The following CADPS2 variants were observed in gnomAD, a reference collection of about 807,000 sequenced individuals.
The protein encoded by CADPS2 is calcium-dependent secretion activator 2.
CADPS2 carries 93 observed loss-of-function variants against 172.5 expected under a neutral mutation model. The ratio of observed to expected loss-of-function variants is 0.54; its 90% CI spans 0.46 to 0.64. The LOEUF (loss-of-function observed/expected upper bound fraction) is 0.64, where lower values mean the gene tolerates loss of function less well. Among genes scored for constraint, CADPS2 ranks in the 30% least tolerant of loss-of-function variants. The probability of loss-of-function intolerance (pLI) is 0.00; values close to 1 mark genes in which losing one functional copy is unlikely to be tolerated. For synonymous variants in CADPS2, 546 were observed against 555.2 expected (o/e 0.98, Z 0.23); for missense variants, 1,420 against 1,565.9 (o/e 0.91, Z 1.57).
chr7:122,674,262 C>G (rs2082176870), intron 2 of CADPS2, among the ~76,000 whole-genome samples: 1 of 152,226 alleles, frequency 6.6e-6, no homozygotes. Context: ...TCAGCCAGCC[C>G]AGAGAGTGGC....
At chr7:122,590,439 G>A (rs1047885131) in intron 6 of CADPS2, among the ~76,000 whole-genome samples, 4 of 151,856 alleles carry the variant, frequency 2.6e-5, no homozygotes, top group African/African-American at 4.8e-5. Flanking sequence ...TCAAGTGTCA[G>A]AACATGGATT....
intron 25 of CADPS2, among the ~76,000 whole-genome samples, chr7:122,367,095 T>A (rs1210664853): frequency 6.6e-6 from 1 of 152,194 alleles, no homozygotes; most frequent in African/African-American, 2.4e-5. Flanking sequence ...ATACTTGGAT[T>A]TTAACAGATG....
At chr7:122,594,062 T>C (rs2071344313) in intron 6 of CADPS2, among the ~76,000 whole-genome samples, 1 of 152,094 alleles carries the variant, frequency 6.6e-6, no homozygotes, top group African/African-American at 2.4e-5. Flanking sequence ...CATTCTAGGC[T>C]TTTGGGAGGA....
intron 3 of CADPS2, among the ~76,000 whole-genome samples, chr7:122,657,055 T>C (rs1442431484): frequency 6.6e-6 from 1 of 152,234 alleles, no homozygotes; most frequent in Non-Finnish European, 1.5e-5. Context: ...GCACCATTTA[T>C]TAAATAGGGA....
At chr7:122,588,820 T>C (rs867116918) in intron 6 of CADPS2, among the ~76,000 whole-genome samples, 8 of 151,918 alleles carry the variant, frequency 5.3e-5, no homozygotes, top group African/African-American at 1.9e-4. Flanking sequence ...TCATATTTGG[T>C]GAGAAGGTAG....
chr7:122,334,585 T>C (rs112727618), intron 28 of CADPS2, among the ~76,000 whole-genome samples: 2 of 152,228 alleles, frequency 1.3e-5, no homozygotes, highest in African/African-American at 4.8e-5. Flanking sequence ...AGAGCAAGAG[T>C]GTGCTCTTAT....
At chr7:122,342,798 T>C (rs577163556) in intron 28 of CADPS2, among the ~76,000 whole-genome samples, 2 of 152,150 alleles carry the variant, frequency 1.3e-5, no homozygotes, top group Non-Finnish European at 2.9e-5. Flanking sequence ...TACTTACTTA[T>C]ATAGGAAATA....
In CADPS2 at chr7:122,556,085, TATAAAGGAC is replaced by T. The variant is rs563518642; in HGVS notation, c.1336-1405_1336-1397del. ...TCCAGCATATCTATATACTCAAGTA[TATAAAGGAC>T]ATCTAAGAACAAACTAAATGACATT... On this transcript the variant is annotated intron_variant, in intron 7 of 29. Transcript: ENST00000449022. 3.7e-4 allele frequency among the ~76,000 whole-genome samples: 57 copies of T among 152,228 alleles called. No homozygotes were observed. The East Asian group carries it at 9.5e-3, about 25-fold the overall frequency.
Position 122,377,965 on chromosome 7 carries a change from T to C in CADPS2, c.3387+1403A>G, listed in dbSNP as rs576652874. On this transcript the variant is annotated intron_variant, in intron 25 of 29. Coordinates refer to ENST00000449022, the MANE Select transcript of CADPS2 (RefSeq NM_017954.11). ...TGAAGATGAAATGAAAAATGAACTA[T>C]ACTCCCATTACCCAGAGAAAAGCTC... 1.5e-4 allele frequency among the ~76,000 whole-genome samples: 23 copies of C among 152,270 alleles called. No individual in the cohort carries two copies. In the South Asian group the frequency reaches 4.6e-3, roughly 30 times the overall value.
At chr7:122,634,237 C>T (rs2076843973) in intron 3 of CADPS2, among the ~76,000 whole-genome samples, 1 of 151,978 alleles carries the variant, frequency 6.6e-6, no homozygotes, top group South Asian at 2.1e-4. Context: ...GGATTGGTAC[C>T]GGTTCTTCTT....
intron 11 of CADPS2, among the ~76,000 whole-genome samples, chr7:122,483,556 TAATGGACATGTACAA>T (rs1468794487): frequency 2.0e-5 from 3 of 152,118 alleles, no homozygotes; most frequent in South Asian, 4.1e-4. Flanking sequence ...AACATGTACA[TAATGGACATGTACAA>T]AATGGACATG....
intron 1 of CADPS2, among the ~76,000 whole-genome samples, chr7:122,809,523 T>C (rs2140131543): frequency 6.7e-6 from 1 of 149,746 alleles, no homozygotes; most frequent in East Asian, 2.0e-4. Flanking sequence ...GACGTTGCAG[T>C]GCGCTGAGAT....
intron 11 of CADPS2, among the ~76,000 whole-genome samples, chr7:122,483,018 A>G (rs1342194467): frequency 6.6e-6 from 1 of 152,256 alleles, no homozygotes; most frequent in Non-Finnish European, 1.5e-5. Context: ...TTCACAGGTT[A>G]TCAGTTAGAG....
chr7:122,696,297 T>C (rs1365436520), intron 2 of CADPS2, among the ~76,000 whole-genome samples: 1 of 152,204 alleles, frequency 6.6e-6, no homozygotes, highest in Non-Finnish European at 1.5e-5. Context: ...TAACACTTAG[T>C]GTTCCTGCTA....
At chr7:122,781,169 CTTG>C (rs1792617168) in intron 1 of CADPS2, among the ~76,000 whole-genome samples, 1 of 152,104 alleles carries the variant, frequency 6.6e-6, no homozygotes, top group African/African-American at 2.4e-5. Flanking sequence ...TTTTCATAAA[CTTG>C]TTGATCATTT....
At chr7:122,630,231 AAC>A (rs779572377) in intron 3 of CADPS2, among the ~76,000 whole-genome samples, 6 of 152,182 alleles carry the variant, frequency 3.9e-5, no homozygotes, top group African/African-American at 7.2e-5. Flanking sequence ...CCAATGAGAA[AAC>A]AGTTTACTTG....
At chr7:122,493,543 T>A (rs991964006) in intron 9 of CADPS2, among the ~76,000 whole-genome samples, 2 of 152,074 alleles carry the variant, frequency 1.3e-5, no homozygotes, top group Non-Finnish European at 2.9e-5. Flanking sequence ...GCTGATTAGA[T>A]AAGCAAAAAT....
chr7:122,686,809 C>T (rs2083690503), intron 2 of CADPS2, among the ~76,000 whole-genome samples: 2 of 152,244 alleles, frequency 1.3e-5, no homozygotes, highest in South Asian at 2.1e-4. Flanking sequence ...TTCAGGCTCC[C>T]GAGTAGCTGG....
intron 19 of CADPS2, 55 bp downstream of exon 19, chr7:122,414,013 T>A: frequency 6.9e-7 from 1 of 1,443,052 alleles, no homozygotes; most frequent in Non-Finnish European, 9.5e-7. Flanking sequence ...GTATTTTAAA[T>A]TCACATAAAA....
Sources: allele counts gnomAD v4.1 joint callset (sites outside exome capture counted in the v4.1 genomes callset), GRCh38; gene constraint gnomAD v4.1.1; transcripts MANE v1.5; gene names NCBI Gene and HGNC (gene_info 2026-07-23, HGNC 2026-07-21).